CNTNAP2: variants seen among roughly 807,000 people sequenced by gnomAD.
CNTNAP2 encodes contactin-associated protein-like 2.
Under a neutral mutation model 155.2 loss-of-function variants are expected in CNTNAP2, and 98 were observed. The observed-to-expected ratio is 0.63, with a 90% CI of 0.54 to 0.75. CNTNAP2 has a LOEUF of 0.75. Among genes scored for constraint, CNTNAP2 ranks in the 30% least tolerant of loss-of-function variants. The pLI is 0.00. For synonymous variants in CNTNAP2, 651 were observed against 631.2 expected, an observed-to-expected ratio of 1.03 and a Z score of -0.47; for missense variants, 1,727 against 1,688.1, an observed-to-expected ratio of 1.02 and a Z score of -0.40.
chr7:146,873,366 C>T (rs191262288), intron 3 of CNTNAP2, among the ~76,000 whole-genome samples: 1 of 152,292 alleles, frequency 6.6e-6, no homozygotes, highest in African/African-American at 2.4e-5. Context: ...TGTATTTCTT[C>T]TCAAATCATT....
At chr7:147,554,293 T>C (rs1799908551) in intron 11 of CNTNAP2, among the ~76,000 whole-genome samples, 1 of 152,084 alleles carries the variant, frequency 6.6e-6, no homozygotes, top group Non-Finnish European at 1.5e-5. Context: ...GATATTGAAG[T>C]CTCCAGGAAA....
At chr7:147,448,741 A>C (rs1298891166) in intron 10 of CNTNAP2, among the ~76,000 whole-genome samples, 1 of 152,118 alleles carries the variant, frequency 6.6e-6, no homozygotes, top group Non-Finnish European at 1.5e-5. Flanking sequence ...ATACTATCTG[A>C]AAATTTATAC....
At chr7:146,988,154 A>G (rs1385560799) in intron 3 of CNTNAP2, among the ~76,000 whole-genome samples, 1 of 152,094 alleles carries the variant, frequency 6.6e-6, no homozygotes, top group Non-Finnish European at 1.5e-5. Context: ...ACATGCTGTT[A>G]TGGTCCTATA....
chr7:148,206,325 A>G, intron 18 of CNTNAP2, among the ~76,000 whole-genome samples: 1 of 149,190 alleles, frequency 6.7e-6, no homozygotes, highest in East Asian at 1.9e-4. Flanking sequence ...AATTTTGACT[A>G]CCATTTGTAT....
chr7:147,937,629 G>C (rs1042163075), intron 14 of CNTNAP2, among the ~76,000 whole-genome samples: 7 of 152,094 alleles, frequency 4.6e-5, no homozygotes, highest in African/African-American at 1.4e-4. Context: ...CTGAGTCATA[G>C]TTCCTGGAGC....
intron 13 of CNTNAP2, among the ~76,000 whole-genome samples, chr7:147,759,254 A>G (rs556051803): frequency 6.6e-6 from 1 of 152,324 alleles, no homozygotes; most frequent in African/African-American, 2.4e-5. Flanking sequence ...ATCCATTTTA[A>G]ATTCCCTTCA....
chr7:148,070,381 A>G (rs1803357578), intron 15 of CNTNAP2, among the ~76,000 whole-genome samples: 1 of 152,256 alleles, frequency 6.6e-6, no homozygotes, highest in Admixed American at 6.5e-5. Context: ...ATAACTTTTA[A>G]TTAAACCTTT....
At chr7:147,878,085 T>G (rs958275898) in intron 13 of CNTNAP2, among the ~76,000 whole-genome samples, 6 of 152,158 alleles carry the variant, frequency 3.9e-5, no homozygotes, top group African/African-American at 1.4e-4. Flanking sequence ...GGTAGTAACA[T>G]TTTTCCAGCC....
At chr7:147,405,825 G>C (rs532485791) in intron 10 of CNTNAP2, among the ~76,000 whole-genome samples, 3 of 152,036 alleles carry the variant, frequency 2.0e-5, no homozygotes, top group South Asian at 2.1e-4. Flanking sequence ...TTTAGTTTTC[G>C]CTGCACTTGA....
At chr7:147,225,146 A>G (rs1803492612) in intron 8 of CNTNAP2, among the ~76,000 whole-genome samples, 1 of 152,202 alleles carries the variant, frequency 6.6e-6, no homozygotes, top group African/African-American at 2.4e-5. Flanking sequence ...CCTTTCAAAT[A>G]GAAGTGACAA....
At chr7:147,010,871 A>C (rs1403936848) in intron 3 of CNTNAP2, among the ~76,000 whole-genome samples, 1 of 152,148 alleles carries the variant, frequency 6.6e-6, no homozygotes, top group Non-Finnish European at 1.5e-5. Context: ...ACATCTTCTA[A>C]ATGTACCTCC....
In CNTNAP2 at chr7:146,269,137, C is replaced by G. The variant is rs6951392; in HGVS notation, c.97+152164C>G. Among the ~76,000 whole-genome samples the G allele has an allele frequency of 1.4e-3, 212 of 152,074 alleles. 1 individual carries two copies. Among genetic ancestry groups the G allele is most frequent in the African/African-American group, 4.8e-3 (198 of 41,494 alleles). ...TGGGCAGGTCACGAGGTCAGGAGAT[C>G]GAGACAATCCTGGCCAACATGGTCA... On this transcript the variant is annotated intron_variant, in intron 1 of 23. Coordinates refer to ENST00000361727, the MANE Select transcript of CNTNAP2 (RefSeq NM_014141.6).
At chr7:146,715,022 T>C (rs923338446) in intron 1 of CNTNAP2, among the ~76,000 whole-genome samples, 3 of 152,098 alleles carry the variant, frequency 2.0e-5, no homozygotes, top group Non-Finnish European at 4.4e-5. Context: ...CAAGTACAAG[T>C]ATTTTTATAC....
chr7:147,542,315 C>A (rs1799655473), intron 11 of CNTNAP2, among the ~76,000 whole-genome samples: 1 of 146,624 alleles, frequency 6.8e-6, no homozygotes, highest in Admixed American at 6.8e-5. Context: ...AAAAAAAAAG[C>A]TCCAAAAAAA....
chr7:147,940,766 G>A (rs1389323571), intron 14 of CNTNAP2, among the ~76,000 whole-genome samples: 1 of 152,004 alleles, frequency 6.6e-6, no homozygotes, highest in Non-Finnish European at 1.5e-5. Context: ...TAGAATTCCT[G>A]GGCTCAAGCG....
intron 11 of CNTNAP2, among the ~76,000 whole-genome samples, chr7:147,536,017 A>C (rs1485531606): frequency 2.6e-5 from 4 of 152,206 alleles, no homozygotes; most frequent in Non-Finnish European, 4.4e-5. Flanking sequence ...AAATCCACAC[A>C]TACTCACCCC....
At chr7:146,733,421 AC>A (rs1261984171) in intron 1 of CNTNAP2, among the ~76,000 whole-genome samples, 3 of 147,950 alleles carry the variant, frequency 2.0e-5, no homozygotes, top group African/African-American at 7.3e-5. Context: ...ACTGCAAAAA[AC>A]AAAAAACAAG....
chr7:147,106,345 A>G (rs1195504486), intron 4 of CNTNAP2, among the ~76,000 whole-genome samples: 1 of 152,074 alleles, frequency 6.6e-6, no homozygotes, highest in Admixed American at 6.6e-5. Context: ...ATTGCACATG[A>G]AAAAGATATT....
intron 2 of CNTNAP2, among the ~76,000 whole-genome samples, chr7:146,834,924 G>A (rs73459355): frequency 0.031 from 4,713 of 152,138 alleles, 258 homozygotes; most frequent in African/African-American, 0.11. Flanking sequence ...AAACTTCCCC[G>A]AATTGCATTG....
Sources: gnomAD v4.1 joint callset for allele counts (sites outside exome capture counted in the v4.1 genomes callset) on GRCh38, gnomAD v4.1.1 for gene constraint, MANE v1.5 for transcripts, NCBI Gene and HGNC (gene_info 2026-07-23, HGNC 2026-07-21) for gene names.